LIN7A: variants seen among roughly 807,000 people sequenced by gnomAD.
LIN7A encodes the protein protein lin-7 homolog A.
LIN7A carries 25 observed loss-of-function variants against 29.8 expected under a neutral mutation model. That is an observed-to-expected ratio of 0.84 (90% CI 0.61 to 1.17). The LOEUF (loss-of-function observed/expected upper bound fraction) is 1.17, where lower values mean the gene tolerates loss of function less well. Among genes scored for constraint, LIN7A ranks in the 50% most tolerant of loss-of-function variants. The pLI is 0.00. For synonymous variants in LIN7A, 118 were observed against 107.5 expected (o/e 1.10, Z -0.60); for missense variants, 239 against 287.0 (o/e 0.83, Z 1.21).
chr12:80,813,071 C>T (rs956883598), intron 4 of LIN7A, among the ~76,000 whole-genome samples: 8 of 151,916 alleles, frequency 5.3e-5, no homozygotes, highest in African/African-American at 1.7e-4. Flanking sequence ...AGTGCAATGG[C>T]GCGATCTTGG....
chr12:80,845,811 G>T lies in LIN7A; in HGVS notation c.402C>A (p.Ile134=). 1 of 1,613,928 alleles carries T rather than the reference G, an allele frequency of 6.2e-7. No individual in the cohort carries two copies. The highest frequency in any genetic ancestry group is 8.5e-7 in the Non-Finnish European group (1 of 1,179,948). ...GGKEQNSPIY[I]SRIIPGGVAE... ...CCACCCCTCCAGGAATTATGCGAGA[G>T]ATATAAATGGGGGAATTTTGCTCCT... is the stretch of plus-strand genomic sequence containing the variant. The change falls in exon 4 of 6, where the codon ATC becomes ATA. Residue 134 remains isoleucine, a synonymous_variant. Transcript: ENST00000552864.
At chr12:80,844,377 T>C (rs915580935) in intron 4 of LIN7A, among the ~76,000 whole-genome samples, 5 of 152,210 alleles carry the variant, frequency 3.3e-5, no homozygotes, top group African/African-American at 4.8e-5. Context: ...GGAATAGTTT[T>C]GGGTTCTATG....
intron 4 of LIN7A, among the ~76,000 whole-genome samples, chr12:80,835,426 T>C (rs1200184639): frequency 6.6e-6 from 1 of 152,278 alleles, no homozygotes; most frequent in Admixed American, 6.5e-5. Context: ...TTGCCCATAA[T>C]CAACCCACCA....
intron 2 of LIN7A, among the ~76,000 whole-genome samples, chr12:80,851,282 A>G (rs1010770955): frequency 4.6e-5 from 7 of 152,164 alleles, no homozygotes; most frequent in African/African-American, 1.7e-4. Flanking sequence ...TCCACAGTGA[A>G]ATATCATTTT....
chr12:80,910,076 G>A (rs1425460602), intron 1 of LIN7A, among the ~76,000 whole-genome samples: 2 of 151,988 alleles, frequency 1.3e-5, no homozygotes, highest in African/African-American at 4.8e-5. Flanking sequence ...ACAATGTTTT[G>A]TACCTTCAGT....
At chr12:80,836,885 G>C (rs1057504231) in intron 4 of LIN7A, among the ~76,000 whole-genome samples, 2 of 151,562 alleles carry the variant, frequency 1.3e-5, no homozygotes, top group African/African-American at 4.9e-5. Context: ...AAAAATATCT[G>C]AAGGTCTTTG....
intron 2 of LIN7A, among the ~76,000 whole-genome samples, chr12:80,860,377 C>T (rs1873803369): frequency 6.6e-6 from 1 of 152,188 alleles, no homozygotes; most frequent in East Asian, 1.9e-4. Flanking sequence ...CAAATTGCAA[C>T]ACAAAATGTT....
At chr12:80,866,635 G>A (rs1874148708) in intron 2 of LIN7A, among the ~76,000 whole-genome samples, 1 of 152,138 alleles carries the variant, frequency 6.6e-6, no homozygotes, top group Non-Finnish European at 1.5e-5. Flanking sequence ...AATTGCAATG[G>A]GCTGAGAGCT....
At chr12:80,924,826 T>C (rs1024548707) in intron 1 of LIN7A, among the ~76,000 whole-genome samples, 1 of 152,244 alleles carries the variant, frequency 6.6e-6, no homozygotes, top group African/African-American at 2.4e-5. Flanking sequence ...GCTGAACATC[T>C]ACATAAACTC....
intron 2 of LIN7A, among the ~76,000 whole-genome samples, chr12:80,877,110 A>C (rs1351917243): frequency 7.9e-6 from 1 of 125,932 alleles, no homozygotes; most frequent in Non-Finnish European, 1.7e-5. Flanking sequence ...CAACAGAGAG[A>C]GACTCTGTCT....
intron 1 of LIN7A, among the ~76,000 whole-genome samples, chr12:80,929,037 G>C (rs1338736839): frequency 6.6e-6 from 1 of 152,012 alleles, no homozygotes; most frequent in African/African-American, 2.4e-5. Flanking sequence ...ATTTTCCAGA[G>C]AGTTTTTATA....
chr12:80,807,064 T>TTTTTTTTTGTTTTTTTTTTTTTTTTTTG (rs1592848175), intron 5 of LIN7A, among the ~76,000 whole-genome samples: 1 of 37,392 alleles, frequency 2.7e-5, no homozygotes, highest in African/African-American at 1.3e-4. Flanking sequence ...GAAGATGGAG[T>TTTTTTTTTGTTTTTTTTTTTTTTTTTTG]TTTTTTTTTT....
intron 1 of LIN7A, among the ~76,000 whole-genome samples, chr12:80,920,195 G>A (rs1025903333): frequency 9.9e-5 from 15 of 152,152 alleles, no homozygotes; most frequent in South Asian, 2.1e-4. Context: ...GTAAATGAGC[G>A]TGGCGGTGCT....
chr12:80,814,939 T>C (rs902876570), intron 4 of LIN7A, among the ~76,000 whole-genome samples: 1 of 152,184 alleles, frequency 6.6e-6, no homozygotes, highest in Non-Finnish European at 1.5e-5. Flanking sequence ...AGTTCCTCAT[T>C]TGTACTACTG....
At chr12:80,814,047 A>C (rs1871419455) in intron 4 of LIN7A, among the ~76,000 whole-genome samples, 1 of 152,166 alleles carries the variant, frequency 6.6e-6, no homozygotes, top group Admixed American at 6.6e-5. Flanking sequence ...TGAGTTACAG[A>C]AAAATAAAGG....
At chr12:80,932,758 T>C (rs1412557634) in intron 1 of LIN7A, among the ~76,000 whole-genome samples, 1 of 152,214 alleles carries the variant, frequency 6.6e-6, no homozygotes, top group Non-Finnish European at 1.5e-5. Context: ...GAATTGGAGC[T>C]ACCATACTTT....
intron 2 of LIN7A, among the ~76,000 whole-genome samples, chr12:80,863,651 T>C (rs1242174186): frequency 6.6e-6 from 1 of 152,208 alleles, no homozygotes; most frequent in Non-Finnish European, 1.5e-5. Context: ...TGTGAAAACA[T>C]ATCTTGATGT....
chr12:80,811,835 A>G (rs1871306811), intron 4 of LIN7A, 152 bp from the exon 5 acceptor site: 1 of 939,712 alleles, frequency 1.1e-6, no homozygotes, highest in Non-Finnish European at 1.5e-6. Flanking sequence ...GTTATTATTT[A>G]TTACATTGTG....
rs866042505 is a variant in LIN7A at position 80,937,371 on chromosome 12, G to T, written c.82+270C>A. 1.3e-4 allele frequency: 49 copies of T among 365,020 alleles called. No individual in the cohort carries two copies. The Middle Eastern group carries it at 2.8e-3, about 21-fold the overall frequency. The allele number at this position is 365,020 out of a possible 1,614,324, so 22.6% of individuals were successfully genotyped here. A position where few individuals can be genotyped will look rare whatever the true frequency, so the allele number is the denominator to read the frequency against. On this transcript the variant is annotated intron_variant, in intron 1 of 5. Transcript: ENST00000552864. ...GCCAGAGGACCGGAGACGACCCGGC[G>T]AGGGGCTGGGAGTGGCAGCGGGGAC...
Sources: allele counts gnomAD v4.1 joint callset (sites outside exome capture counted in the v4.1 genomes callset), GRCh38; gene constraint gnomAD v4.1.1; transcripts MANE v1.5; gene names NCBI Gene and HGNC (gene_info 2026-07-23, HGNC 2026-07-21).